The following CDH13 variants were observed in gnomAD, a reference collection of about 807,000 sequenced individuals.
The protein encoded by CDH13 is cadherin-13.
A neutral mutation model predicts 63.8 loss-of-function variants in CDH13; 24 were observed. The ratio of observed to expected loss-of-function variants is 0.38; its 90% CI spans 0.27 to 0.53. The LOEUF is 0.53. Among genes scored for constraint, CDH13 ranks in the 20% least tolerant of loss-of-function variants. The pLI, the probability that CDH13 is intolerant of heterozygous loss-of-function variation, is 0.85. For missense variants in CDH13, 1,049 were observed against 903.1 expected, an observed-to-expected ratio of 1.16 and a Z score of -2.07; for synonymous variants, 503 against 355.3, an observed-to-expected ratio of 1.42 and a Z score of -4.67.
At chr16:82,695,691 G>T (rs1280463404) in intron 1 of CDH13, among the ~76,000 whole-genome samples, 7 of 152,202 alleles carry the variant, frequency 4.6e-5, no homozygotes, top group African/African-American at 1.7e-4. Context: ...ATTCTTGAAA[G>T]AGACATGATT....
At chr16:82,788,656 A>G (rs2036141116) in intron 1 of CDH13, among the ~76,000 whole-genome samples, 1 of 152,212 alleles carries the variant, frequency 6.6e-6, no homozygotes, top group Non-Finnish European at 1.5e-5. Context: ...CTATAGGCCT[A>G]ACAGCCAGCA....
chr16:83,280,601 C>G (rs2089140490), intron 5 of CDH13, among the ~76,000 whole-genome samples: 1 of 152,186 alleles, frequency 6.6e-6, no homozygotes, highest in African/African-American at 2.4e-5. Flanking sequence ...TTAATGGCAT[C>G]TAGAACAGTA....
chr16:83,222,005 TG>T (rs1475846519), intron 5 of CDH13, among the ~76,000 whole-genome samples: 2 of 152,288 alleles, frequency 1.3e-5, no homozygotes, highest in Non-Finnish European at 2.9e-5. Context: ...AATGTTGGGG[TG>T]AACATGTCTT....
At chr16:83,651,036 G>C (rs1299850067) in intron 8 of CDH13, among the ~76,000 whole-genome samples, 3 of 152,108 alleles carry the variant, frequency 2.0e-5, no homozygotes, top group Admixed American at 1.3e-4. Flanking sequence ...GGGAGGTCAA[G>C]GCTGCAGTGA....
intron 2 of CDH13, among the ~76,000 whole-genome samples, chr16:83,018,175 T>A: frequency 6.6e-6 from 1 of 152,176 alleles, no homozygotes. Context: ...TCCCAGCTTA[T>A]CTCATTTTGC....
chr16:83,254,095 A>G (rs545910799), intron 5 of CDH13, among the ~76,000 whole-genome samples: 1 of 152,186 alleles, frequency 6.6e-6, no homozygotes, highest in African/African-American at 2.4e-5. Flanking sequence ...AGATGGAAGC[A>G]AGACAGATAA....
intron 10 of CDH13, among the ~76,000 whole-genome samples, chr16:83,687,301 T>A (rs1386085661): frequency 1.3e-5 from 2 of 152,148 alleles, no homozygotes; most frequent in South Asian, 4.1e-4. Flanking sequence ...ATAAAGAAAA[T>A]GATTTAATTG....
At chr16:83,000,411 G>A (rs1912779265) in intron 2 of CDH13, among the ~76,000 whole-genome samples, 1 of 150,214 alleles carries the variant, frequency 6.7e-6, no homozygotes, top group Admixed American at 6.6e-5. Context: ...ACCACGCCCA[G>A]CTAATTTTTT....
chr16:83,753,213 T>C (rs1895364870), intron 11 of CDH13, among the ~76,000 whole-genome samples: 1 of 152,194 alleles, frequency 6.6e-6, no homozygotes, highest in African/African-American at 2.4e-5. Flanking sequence ...CCTCTAGTAT[T>C]ATGTTTAACC....
chr16:82,829,645 T>C (rs769790540), intron 1 of CDH13: 10 of 152,126 alleles, frequency 6.6e-5, no homozygotes, highest in Non-Finnish European at 1.0e-4. Flanking sequence ...CTTACACAGC[T>C]GTATTCGGTT....
intron 1 of CDH13, among the ~76,000 whole-genome samples, chr16:82,630,429 C>G (rs1047169662): frequency 1.2e-4 from 18 of 152,154 alleles, no homozygotes; most frequent in Non-Finnish European, 1.9e-4. Context: ...CTAAAAGCCC[C>G]AACAGTCATC....
intron 1 of CDH13, among the ~76,000 whole-genome samples, chr16:82,838,323 A>G (rs982519851): frequency 1.3e-5 from 2 of 152,126 alleles, no homozygotes; most frequent in African/African-American, 2.4e-5. Context: ...TGCCCGTCCT[A>G]TTTATTGTGT....
chr16:83,461,325 T>G (rs1478648446), intron 6 of CDH13, among the ~76,000 whole-genome samples: 1 of 152,142 alleles, frequency 6.6e-6, no homozygotes, highest in Non-Finnish European at 1.5e-5. Context: ...TCTTATCTCA[T>G]TCAACATTTT....
intron 7 of CDH13, among the ~76,000 whole-genome samples, chr16:83,532,447 A>T (rs944641086): frequency 1.3e-5 from 2 of 152,196 alleles, no homozygotes; most frequent in Non-Finnish European, 2.9e-5. Context: ...CCTTAATAAA[A>T]TGTTACTGGA....
At chr16:82,776,250 G>C (rs2035490523) in intron 1 of CDH13, among the ~76,000 whole-genome samples, 2 of 135,774 alleles carry the variant, frequency 1.5e-5, no homozygotes, top group Admixed American at 1.4e-4. Flanking sequence ...AGGGATTAAG[G>C]GAGGGAGGGA....
intron 1 of CDH13, among the ~76,000 whole-genome samples, chr16:82,627,562 G>A (rs1907477109): frequency 6.6e-6 from 1 of 152,102 alleles, no homozygotes; most frequent in African/African-American, 2.4e-5. Flanking sequence ...AACGCCCAGC[G>A]GCCGAAGCGC....
intron 3 of CDH13, among the ~76,000 whole-genome samples, chr16:83,067,266 C>T (rs2032090249): frequency 6.6e-6 from 1 of 152,156 alleles, no homozygotes; most frequent in East Asian, 1.9e-4. Flanking sequence ...GTTGTGGAGG[C>T]TCTGCATAGT....
chr16:83,470,439 A>G (rs2073425454), intron 6 of CDH13, among the ~76,000 whole-genome samples: 1 of 152,206 alleles, frequency 6.6e-6, no homozygotes, highest in Non-Finnish European at 1.5e-5. Context: ...CATAGGCCAT[A>G]GTGGAAGCTT....
intron 3 of CDH13, among the ~76,000 whole-genome samples, chr16:83,069,085 C>G (rs9926310): frequency 0.31 from 46,719 of 152,140 alleles, 11,904 homozygotes; most frequent in African/African-American, 0.7. Flanking sequence ...AAAGGCATGT[C>G]TTTCACTTAT....
Sources: gnomAD v4.1 joint callset for allele counts (sites outside exome capture counted in the v4.1 genomes callset) on GRCh38, gnomAD v4.1.1 for gene constraint, MANE v1.5 for transcripts, NCBI Gene and HGNC (gene_info 2026-07-23, HGNC 2026-07-21) for gene names.